The following PKD1 variants were observed in gnomAD, a reference collection of about 807,000 sequenced individuals.
The protein encoded by PKD1 is polycystin-1.
In PKD1, 81 loss-of-function variants were observed where a neutral mutation model predicts 361.7. That is an observed-to-expected ratio of 0.22 (90% confidence interval 0.19 to 0.27). The LOEUF is 0.27. Ranked by LOEUF, PKD1 falls within the 10% of genes least tolerant of loss-of-function variation. The pLI, the probability that PKD1 is intolerant of heterozygous loss-of-function variation, is 1.00. For missense variants in PKD1, 6,399 were observed against 6,118.3 expected (o/e 1.05, Z -1.53); for synonymous variants, 3,615 against 2,818.3 (o/e 1.28, Z -8.95).
At chr16:2,129,541 ATTTTTTTTTTT>A (rs71148122) in intron 1 of PKD1, among the ~76,000 whole-genome samples, 2 of 72,090 alleles carry the variant, frequency 2.8e-5, no homozygotes, top group African/African-American at 1.5e-4. Context: ...AGATCCTGTG[ATTTTTTTTTTT>A]TTTTTTTTTT....
In PKD1 at chr16:2,112,848, T is replaced by C. The variant is rs28681051; in HGVS notation, c.3101A>G (p.Asn1034Ser). Reference sequence around the variant, plus strand: ...GCCCGCCGTCAGTGCTAGCGTGGCATTGGGGGACAGCACGGCCGGCACTGT... The same window carrying C: ...GCCCGCCGTCAGTGCTAGCGTGGCACTGGGGGACAGCACGGCCGGCACTGT... ...VSTVPAVLSPNATLALTAGVL... is the reference protein window; with the variant it reads ...VSTVPAVLSPSATLALTAGVL... The change falls in exon 13 of 46, where the codon AAT (asparagine) becomes AGT (serine). Residue 1034 changes from asparagine to serine, a missense_variant. Asn to Ser is a conservative substitution (Grantham distance 46, BLOSUM62 1). Transcript: ENST00000262304. The C allele has an allele frequency of 9.9e-4, 1,588 of 1,604,894 alleles. 16 individuals carry two copies. The African/African-American group carries it at 0.012, about 13-fold the overall frequency.
rs201304767 is a variant in PKD1 at position 2,106,314 on chromosome 16, G to A, written c.7490-10C>T. 629 of 1,607,308 alleles carry A rather than the reference G, an allele frequency of 3.9e-4. 1 individual carries two copies. Among genetic ancestry groups the A allele is most frequent in the Middle Eastern group, 3.2e-3 (14 of 4,422 alleles). ...TCCGCGTCATGCCAGCCTGAGGGAC[G>A]GTCCCCACGGCATCACGGGAGGGCT... On this transcript the variant is annotated splice_polypyrimidine_tract_variant and intron_variant, in intron 18 of 45. Transcript: ENST00000262304. The surrounding 1 kb of genome is among the most constrained non-coding windows in gnomAD (Gnocchi z 6.5).
chr16:2,098,195 A>C, intron 30 of PKD1: 1 of 598,762 alleles, frequency 1.7e-6, no homozygotes, highest in South Asian at 2.0e-5. Flanking sequence ...GGTGCAGCTA[A>C]GGAACAGAGT....
At chr16:2,105,697 G>A (rs947724738) in intron 20 of PKD1, 168 bp downstream of exon 20, 57 of 1,297,408 alleles carry the variant, frequency 4.4e-5, no homozygotes, top group Middle Eastern at 2.6e-4. Context: ...GAGAGGGCCC[G>A]GTGGGTGTGG....
chr16:2,105,550 C>G, intron 20 of PKD1, 76 bp from the exon 21 acceptor site: 1 of 1,594,960 alleles, frequency 6.3e-7, no homozygotes, highest in Non-Finnish European at 8.5e-7. Context: ...GCCCACGACT[C>G]CCGGGGTGCA....
chr16:2,099,905 G>A lies in PKD1; in HGVS notation c.9879C>T (p.Gly3293=), dbSNP rs757071185. The change falls in exon 29 of 46, where the codon GGC becomes GGT. Residue 3293 remains glycine (G), a synonymous_variant. Coordinates refer to ENST00000262304, the MANE Select transcript of PKD1 (RefSeq NM_001009944.3). ...CAGCCCCGTACCACACGGCGTTGGC[G>A]CCCAGGAAGAGGCAGATGAGGAGAA... ...CCVLLICLFL[G]ANAVWYGAVG... The A allele has an allele frequency of 5.4e-5, 85 of 1,567,594 alleles. No individual in the cohort carries two copies. The highest frequency in any genetic ancestry group is 7.6e-5 in the Admixed American group (4 of 52,920).
chr16:2,114,045 G>A (rs993383803), intron 11 of PKD1, 125 bp downstream of exon 11: 35 of 837,318 alleles, frequency 4.2e-5, no homozygotes, highest in South Asian at 1.1e-4. Flanking sequence ...GGACCTGCCC[G>A]GGGCCGACGT....
In PKD1 at chr16:2,111,525, T is replaced by C. The variant is rs767721989; in HGVS notation, c.3642A>G (p.Gly1214=). ...ADVRVFEELR[G]LSVDMSLAVE... ...CGGCCAGGCTCATGTCCACGCTGAGTCCGCGGAGCTCCTCAAAGACGCGCA... is the reference window on the plus strand; with the variant it reads ...CGGCCAGGCTCATGTCCACGCTGAGCCCGCGGAGCTCCTCAAAGACGCGCA... Residue 1214 remains glycine, a synonymous_variant, in exon 15 of 46, where the codon GGA becomes GGG. Transcript: ENST00000262304. 39 of 1,606,398 alleles carry C rather than the reference T, an allele frequency of 2.4e-5. No individual in the cohort carries two copies. The African/African-American group carries it at 3.6e-4, about 15-fold the overall frequency.
At chr16:2,094,063 A>C (rs777861524) in intron 35 of PKD1, 29 bp downstream of exon 35, 1 of 1,585,592 alleles carries the variant, frequency 6.3e-7, no homozygotes. Context: ...GGGAGGGGCT[A>C]GGGGCATCCC....
rs557687541 is a variant in PKD1 at position 2,091,665 on chromosome 16, G to C, written c.11538-68C>G. On this transcript the variant is annotated intron_variant, in intron 41 of 45. Transcript: ENST00000262304. ...GGAGCTGCGGGGACCGCGCAGTGCAGGCGTGGCTGAGGGGCTGTGGAAGCC... is the reference window on the plus strand; with the variant it reads ...GGAGCTGCGGGGACCGCGCAGTGCACGCGTGGCTGAGGGGCTGTGGAAGCC... The C allele has an allele frequency of 3.1e-5, 48 of 1,560,214 alleles. No individual in the cohort carries two copies. In the African/African-American group the frequency reaches 5.8e-4, roughly 19 times the overall value.
intron 39 of PKD1, 87 bp from the exon 40 acceptor site, chr16:2,092,275 T>C (rs2091628077): frequency 1.4e-6 from 2 of 1,423,578 alleles, no homozygotes; most frequent in African/African-American, 2.8e-5. Context: ...GCCTGAGCTC[T>C]GGTTCGGCGC....
chr16:2,108,655 G>A lies in PKD1; in HGVS notation c.6512C>T (p.Ala2171Val), dbSNP rs755655916. 6.6e-5 allele frequency: 103 copies of A among 1,563,684 alleles called. No homozygotes were observed. The highest frequency in any genetic ancestry group is 8.2e-5 in the Non-Finnish European group (95 of 1,155,150). ...MRRSQRNYLE[A>V]HVDLRDCVTY... ...GACGCAGTCGCGCAGGTCAACGTGG[G>A]CCTCCAAGTAGTTGCGCTGTGATCG... is the stretch of plus-strand genomic sequence containing the variant. Residue 2171 changes from alanine to valine, a missense_variant, in exon 15 of 46, where the codon GCC becomes GTC. Coordinates refer to ENST00000262304, the MANE Select transcript of PKD1 (RefSeq NM_001009944.3).
intron 10 of PKD1, chr16:2,115,167 G>C (rs956568914): frequency 1.2e-4 from 91 of 748,356 alleles, no homozygotes; most frequent in African/African-American, 5.7e-5. Context: ...GAGAGGAAGA[G>C]GAGGCACAGC....
In PKD1 at chr16:2,093,936, C is replaced by A; in HGVS notation, c.10696G>T (p.Val3566Leu). 6.3e-7 allele frequency: 1 copy of A among 1,586,226 alleles called. No individual in the cohort carries two copies. Among genetic ancestry groups the A allele is most frequent in the Non-Finnish European group, 8.5e-7 (1 of 1,170,282 alleles). Residue 3566 changes from valine (V) to leucine (L), a missense_variant, in exon 36 of 46, where the codon GTG becomes TTG. Val to Leu is a conservative substitution (Grantham distance 32). Coordinates refer to ENST00000262304, the MANE Select transcript of PKD1 (RefSeq NM_001009944.3). ...CCTGAGACAGCCACAGCCACAGCCA[C>A]CAGGAGCAGGCTGAGCCCGTGGGCC... Reference protein sequence around the residue: ...SLAHGLSLLLVAVAVAVSGWV... With the variant: ...SLAHGLSLLLLAVAVAVSGWV...
chr16:2,108,939 C>A lies in PKD1; in HGVS notation c.6228G>T (p.Ser2076=). Residue 2076 remains serine (S), a synonymous_variant, in exon 15 of 46, where the codon TCG becomes TCT. Coordinates refer to ENST00000262304, the MANE Select transcript of PKD1 (RefSeq NM_001009944.3). ...LQSGPCFTNR[S]AQFEAATSPS... is the part of the protein sequence containing the mutation. ...GGCTGGTGGCGGCCTCAAACTGCGC[C>A]GAGCGGTTGGTGAAGCAGGGGCCGC... is the stretch of plus-strand genomic sequence containing the variant. 1 of 1,603,388 alleles carries A rather than the reference C, an allele frequency of 6.2e-7. No individual in the cohort carries two copies. The highest frequency in any genetic ancestry group is 8.5e-7 in the Non-Finnish European group (1 of 1,176,618).
At chr16:2,104,036 G>A (rs1201217599) in intron 22 of PKD1, 141 bp from the exon 23 acceptor site, 1 of 433,282 alleles carries the variant, frequency 2.3e-6, no homozygotes, top group Admixed American at 3.6e-5. Context: ...GCAGAAGGAA[G>A]GGGGAAGCTG....
Position 2,106,016 on chromosome 16 carries a change from G to A in PKD1, c.7712C>T (p.Ala2571Val), listed in dbSNP as rs756838066. 1.6e-5 allele frequency: 25 copies of A among 1,605,954 alleles called. No homozygotes were observed. Among genetic ancestry groups the A allele is most frequent in the Non-Finnish European group, 2.1e-5 (25 of 1,179,354 alleles). ...GCCGTTGGGCTCTGGGAGGGTGATG[G>A]CCAAAGACCTACGAGCAGAGGGGGG... is the stretch of plus-strand genomic sequence containing the variant. Reference protein sequence around the residue: ...AAVVALNRSLAITLPEPNGSA... With the variant: ...AAVVALNRSLVITLPEPNGSA... Residue 2571 changes from alanine to valine, a missense_variant, in exon 20 of 46, where the codon GCC (alanine) becomes GTC (valine). By Grantham distance (64) the Ala-to-Val change is moderately conservative. Transcript: ENST00000262304. The surrounding 1 kb of genome is among the most constrained non-coding windows in gnomAD (Gnocchi z 6.5).
rs1370388605 is a variant in PKD1 at position 2,093,110 on chromosome 16, C to T, written c.11017-17G>A. ...CAGGAGGCTCTGGTGGACGGGGGGG[C>T]CCTGTGGTCAGCCTGGCCCCAGCCC... On this transcript the variant is annotated splice_polypyrimidine_tract_variant and intron_variant, in intron 37 of 45. Coordinates refer to ENST00000262304, the MANE Select transcript of PKD1 (RefSeq NM_001009944.3). 1 of 1,611,828 alleles carries T rather than the reference C, an allele frequency of 6.2e-7. No homozygotes were observed. The highest frequency in any genetic ancestry group is 8.5e-7 in the Non-Finnish European group (1 of 1,179,784).
intron 30 of PKD1, chr16:2,098,765 TCTTC>T: frequency 6.9e-6 from 1 of 144,900 alleles, no homozygotes; most frequent in South Asian, 2.2e-4. Context: ...TGGTGTTAAT[TCTTC>T]CTTAACTGCT....
Sources: allele counts gnomAD v4.1 joint callset (sites outside exome capture counted in the v4.1 genomes callset), GRCh38; gene constraint gnomAD v4.1.1; non-coding constraint Gnocchi (gnomAD v3.1); transcripts MANE v1.5; gene names NCBI Gene and HGNC (gene_info 2026-07-23, HGNC 2026-07-21).